The following LETMD1 variants were observed in gnomAD, a reference collection of about 807,000 sequenced individuals.
LETMD1 encodes the protein LETM1 domain-containing protein 1.
Under a neutral mutation model 43.9 loss-of-function variants are expected in LETMD1, and 30 were observed. The ratio of observed to expected loss-of-function variants is 0.68; its 90% confidence interval spans 0.51 to 0.93. The LOEUF is 0.93. Ranked by LOEUF, LETMD1 falls within the 40% of genes least tolerant of loss-of-function variation. The probability of loss-of-function intolerance (pLI) is 0.00; values close to 1 mark genes in which losing one functional copy is unlikely to be tolerated. For synonymous variants in LETMD1, 176 were observed against 163.1 expected (o/e 1.08, Z -0.60); for missense variants, 413 against 447.7 (o/e 0.92, Z 0.70).
intron 7 of LETMD1, 126 bp from the exon 8 acceptor site, chr12:51,057,906 C>G: frequency 1.3e-6 from 1 of 769,636 alleles, no homozygotes; most frequent in Non-Finnish European, 2.3e-6. Flanking sequence ...ATTACAGGCA[C>G]GAGCCACCGT....
chr12:51,048,277 TGCGTCTTC>T, upstream of LETMD1: 1 of 1,589,504 alleles, frequency 6.3e-7, no homozygotes, highest in Admixed American at 1.7e-5. Context: ...AAAAGACGCA[TGCGTCTTC>T]GAACGAACGC....
At chr12:51,066,185 TG>T in the LETMD1 span, among the ~76,000 whole-genome samples, 1 of 152,046 alleles carries the variant, frequency 6.6e-6, no homozygotes, top group Non-Finnish European at 1.5e-5. Flanking sequence ...CCAGGTGCGG[TG>T]GCTCACGCCT....
downstream of LETMD1, chr12:51,063,914 A>G (rs34413582): frequency 0.024 from 38,452 of 1,613,988 alleles, 753 homozygotes; most frequent in South Asian, 0.083. Context: ...CAGGGTTACA[A>G]TCTTCGGGCA....
chr12:51,050,457 G>A (rs980781572), intron 2 of LETMD1, among the ~76,000 whole-genome samples: 8 of 151,454 alleles, frequency 5.3e-5, no homozygotes, highest in Non-Finnish European at 8.8e-5. Context: ...TCCTGACCTC[G>A]TGATCCGCCT....
At chr12:51,057,861 G>A (rs554802885) in intron 7 of LETMD1, 171 bp from the exon 8 acceptor site, 33 of 660,952 alleles carry the variant, frequency 5.0e-5, no homozygotes, top group Non-Finnish European at 7.2e-5. Context: ...TCCTGACCTC[G>A]TGATCCGCCT....
intron 5 of LETMD1, 46 bp from the exon 6 acceptor site, chr12:51,056,098 T>G: frequency 1.2e-6 from 2 of 1,602,362 alleles, no homozygotes; most frequent in Non-Finnish European, 1.7e-6. Flanking sequence ...GTAAGAGGAG[T>G]AGTCAGGACT....
chr12:51,061,373 AAAT>A (rs545789091), downstream of LETMD1: 2 of 152,752 alleles, frequency 1.3e-5, no homozygotes, highest in South Asian at 4.1e-4. Context: ...GGAAATTGGA[AAAT>A]AATAAGGGTT....
At chr12:51,058,962 A>T (rs1336459405) in intron 8 of LETMD1, 1 of 263,786 alleles carries the variant, frequency 3.8e-6, no homozygotes, top group Non-Finnish European at 7.5e-6. Flanking sequence ...GAGGGTATGT[A>T]TTAGGCTTGT....
At position 51,056,330 on chromosome 12, in the gene LETMD1, C is replaced by T. The variant is rs1176865322; in HGVS notation, c.763-20C>T. ...AGCTCATACTATTTGCCTTTCCCCT[C>T]CTATGTGGTTGTGTTACAGAAAGCC... On this transcript the variant is annotated intron_variant, in intron 6 of 8. Coordinates refer to ENST00000262055, the MANE Select transcript of LETMD1 (RefSeq NM_015416.5). 2 of 1,614,084 alleles carry T rather than the reference C, an allele frequency of 1.2e-6. No homozygotes were observed. Among genetic ancestry groups the T allele is most frequent in the Non-Finnish European group, 1.7e-6 (2 of 1,179,942 alleles).
the LETMD1 span, chr12:51,068,033 TC>T: frequency 6.7e-7 from 1 of 1,493,112 alleles, no homozygotes; most frequent in Non-Finnish European, 9.2e-7. Flanking sequence ...TCAGTGACCA[TC>T]CCAGAGCAGC....
At chr12:51,055,764 A>G (rs575665411) in intron 4 of LETMD1, 71 bp from the exon 5 acceptor site, 159 of 1,063,814 alleles carry the variant, frequency 1.5e-4, no homozygotes, top group Middle Eastern at 2.1e-4. Context: ...ATGTCTACCA[A>G]ATGCTTTCTT....
intron 1 of LETMD1, 139 bp from the exon 2 acceptor site, chr12:51,048,895 C>T: frequency 1.2e-6 from 1 of 819,430 alleles, no homozygotes; most frequent in Non-Finnish European, 1.9e-6. Context: ...CTCTTCTTGA[C>T]CCCAAGACCT....
chr12:51,064,298 G>A (rs760496365), downstream of LETMD1: 8 of 1,613,812 alleles, frequency 5.0e-6, no homozygotes, highest in South Asian at 8.8e-5. Flanking sequence ...GCTCCTCTAG[G>A]ATGCACACAC....
At chr12:51,055,665 TA>T (rs56285797) in intron 4 of LETMD1, 169 bp from the exon 5 acceptor site, 26,894 of 149,098 alleles carry the variant, frequency 0.18, 1,564 homozygotes, top group East Asian at 0.36. Context: ...CCCTGTCTCT[TA>T]AAAAAAAAAA....
chr12:51,049,433 T>A, intron 2 of LETMD1: 1 of 404,188 alleles, frequency 2.5e-6, no homozygotes, highest in Non-Finnish European at 4.5e-6. Flanking sequence ...TATGTTCTCG[T>A]ACTTTCTTAA....
At chr12:51,065,544 G>A in the LETMD1 span, among the ~76,000 whole-genome samples, 1 of 151,990 alleles carries the variant, frequency 6.6e-6, no homozygotes, top group Non-Finnish European at 1.5e-5. Flanking sequence ...CGTCCAGGCT[G>A]GAGTGCAGTG....
At chr12:51,051,510 C>CCA (rs1946134011) in intron 2 of LETMD1, among the ~76,000 whole-genome samples, 2 of 152,034 alleles carry the variant, frequency 1.3e-5, no homozygotes, top group Non-Finnish European at 2.9e-5. Flanking sequence ...GAGTTAAAGA[C>CCA]GAGCCTGTCC....
chr12:51,056,221 G>C lies in LETMD1; in HGVS notation c.738G>C (p.Met246Ile). Residue 246 changes from methionine to isoleucine, a missense_variant, in exon 6 of 9, where the codon ATG (methionine) becomes ATC (isoleucine). Coordinates refer to ENST00000262055, the MANE Select transcript of LETMD1 (RefSeq NM_015416.5). ...GTTTCTCTAACCATCCTCTGGGCAT[G>C]AACCAACTCCAGGCTTTGCACGTGG... is the stretch of plus-strand genomic sequence containing the variant. ...RECFSNHPLG[M>I]NQLQALHVKA... is the part of the protein sequence containing the mutation. 6.2e-7 allele frequency: 1 copy of C among 1,614,228 alleles called. No individual in the cohort carries two copies. Among genetic ancestry groups the C allele is most frequent in the Non-Finnish European group, 8.5e-7 (1 of 1,180,040 alleles).
intron 7 of LETMD1, 171 bp downstream of exon 7, chr12:51,056,673 G>T (rs936350164): frequency 1.4e-5 from 8 of 556,426 alleles, no homozygotes; most frequent in Non-Finnish European, 2.1e-5. Context: ...TATTTATTTT[G>T]AGACAGAGTC....
Sources: allele counts gnomAD v4.1 joint callset (sites outside exome capture counted in the v4.1 genomes callset), GRCh38; gene constraint gnomAD v4.1.1; transcripts MANE v1.5; gene names NCBI Gene and HGNC (gene_info 2026-07-23, HGNC 2026-07-21).